Variants in MTHFD2 observed in about 807,000 individuals in gnomAD.
The protein encoded by MTHFD2 is bifunctional methylenetetrahydrofolate dehydrogenase/cyclohydrolase, mitochondrial.
In MTHFD2, 26 loss-of-function variants were observed where a neutral mutation model predicts 36.8. That is an observed-to-expected ratio of 0.71 (90% CI 0.52 to 0.98). The LOEUF (loss-of-function observed/expected upper bound fraction) is 0.98, where lower values mean the gene tolerates loss of function less well. MTHFD2 is among the 50% of genes least tolerant of loss of function. The pLI is 0.00. For synonymous variants in MTHFD2, 164 were observed against 155.2 expected, an observed-to-expected ratio of 1.06 and a Z score of -0.42; for missense variants, 373 against 434.0, an observed-to-expected ratio of 0.86 and a Z score of 1.25.
At chr2:74,205,952 T>A (rs1694171081) in intron 2 of MTHFD2, 63 bp downstream of exon 2, 2 of 1,509,862 alleles carry the variant, frequency 1.3e-6, no homozygotes, top group Admixed American at 4.0e-5. Flanking sequence ...CAAAGTCCAT[T>A]CTAATTTATG....
chr2:74,211,191 C>G lies in MTHFD2; in HGVS notation c.671-8C>G, dbSNP rs546343172. On this transcript the variant is annotated splice_polypyrimidine_tract_variant and splice_region_variant and intron_variant, in intron 5 of 7. Transcript: ENST00000394053. ...CAGAAATCAAGACATCTATTTTTTT[C>G]TTTCTAGGTGATGCCACTGTTACAA... The G allele has an allele frequency of 2.6e-5, 41 of 1,575,424 alleles. 1 individual carries two copies. The South Asian group carries it at 4.1e-4, about 16-fold the overall frequency.
Position 74,217,481 on chromosome 2 carries a change from C to T in MTHFD2, c.*3239C>T, listed in dbSNP as rs767960955. 5 of 152,270 alleles carry T rather than the reference C, an allele frequency of 3.3e-5. No individual in the cohort carries two copies. The highest frequency in any genetic ancestry group is 2.1e-4 in the South Asian group (1 of 4,828). The allele number at this position is 152,270 out of a possible 1,614,324, so 9.4% of individuals were successfully genotyped here. On this transcript the variant is annotated 3_prime_UTR_variant, in exon 8 of 8. Transcript: ENST00000394053. ...TGCAAAGTTGTAATGTAAAATGTGA[C>T]CTTACCTCTGTCTAACCTGTATTGT...
In MTHFD2 at chr2:74,205,832, G is replaced by A. The variant is rs774595885; in HGVS notation, c.229G>A (p.Glu77Lys). Reference protein sequence around the residue: ...RPHLSVILVGENPASHSYVLN... With the variant: ...RPHLSVILVGKNPASHSYVLN... ...ACACCTGAGTGTGATCCTGGTTGGC[G>A]AGAATCCTGCAAGTCACTCCTATGT... is the stretch of plus-strand genomic sequence containing the variant. Residue 77 changes from glutamate (E) to lysine (K), a missense_variant, in exon 2 of 8, where the codon GAG (glutamate) becomes AAG (lysine). Physicochemically the swap from Glu to Lys is moderately conservative, Grantham distance 56. Around this residue, in one of 2 missense-constraint regions of MTHFD2, gnomAD observed 308 missense variants for 397.8 expected, o/e 0.77. Coordinates refer to ENST00000394053, the MANE Select transcript of MTHFD2 (RefSeq NM_006636.4). 3.1e-6 allele frequency: 5 copies of A among 1,613,750 alleles called. No individual in the cohort carries two copies. In the African/African-American group the frequency reaches 4.0e-5, roughly 13 times the overall value.
At chr2:74,203,729 G>T (rs1694094815) in intron 1 of MTHFD2, among the ~76,000 whole-genome samples, 3 of 152,192 alleles carry the variant, frequency 2.0e-5, no homozygotes. Flanking sequence ...AATATAAGAG[G>T]AGATTACTTC....
At chr2:74,211,720 C>G in intron 6 of MTHFD2, 21 bp from the exon 7 acceptor site, 1 of 1,598,564 alleles carries the variant, frequency 6.3e-7, no homozygotes, top group Non-Finnish European at 8.5e-7. Context: ...CTAAGTTGAT[C>G]TTTCCTTTCT....
At chr2:74,204,256 T>C (rs750161616) in intron 1 of MTHFD2, among the ~76,000 whole-genome samples, 2 of 152,122 alleles carry the variant, frequency 1.3e-5, no homozygotes, top group African/African-American at 4.8e-5. Context: ...TGTAAGGACA[T>C]GTGTGAAAAT....
At chr2:74,201,713 T>G (rs968266524) in intron 1 of MTHFD2, among the ~76,000 whole-genome samples, 6 of 152,222 alleles carry the variant, frequency 3.9e-5, no homozygotes, top group Non-Finnish European at 5.9e-5. Flanking sequence ...TAGTTACAAT[T>G]TTGGATTCCC....
chr2:74,214,452 A>G lies in MTHFD2; in HGVS notation c.*210A>G, dbSNP rs1452843120. On this transcript the variant is annotated 3_prime_UTR_variant, in exon 8 of 8. Coordinates refer to ENST00000394053, the MANE Select transcript of MTHFD2 (RefSeq NM_006636.4). ...TTCCAGTATCATGCAGGGTCCTGTG[A>G]TCTAGCCAGGAGCAGCCATTAACCT... 3 of 421,948 alleles carry G rather than the reference A, an allele frequency of 7.1e-6. No individual in the cohort carries two copies. Among genetic ancestry groups the G allele is most frequent in the Middle Eastern group, 6.7e-4 (1 of 1,496 alleles). 26.1% of individuals were successfully genotyped at this position (421,948 alleles called of 1,614,324 possible). A position where few individuals can be genotyped will look rare whatever the true frequency, so the allele number is the denominator to read the frequency against.
chr2:74,212,892 T>A (rs1468437338), intron 7 of MTHFD2, among the ~76,000 whole-genome samples: 2 of 145,652 alleles, frequency 1.4e-5, no homozygotes, highest in Non-Finnish European at 3.0e-5. Context: ...TACTAGTAGA[T>A]TTCTTCTTTC....
At chr2:74,200,507 T>A (rs1316312997) in intron 1 of MTHFD2, among the ~76,000 whole-genome samples, 1 of 152,138 alleles carries the variant, frequency 6.6e-6, no homozygotes, top group African/African-American at 2.4e-5. Flanking sequence ...TGCTTATTTT[T>A]AAAAAGTTGT....
chr2:74,211,079 C>G (rs891306869), intron 5 of MTHFD2, 120 bp from the exon 6 acceptor site: 1 of 663,488 alleles, frequency 1.5e-6, no homozygotes, highest in Non-Finnish European at 2.7e-6. Flanking sequence ...GCCACTGCAC[C>G]TGGCCGTAAG....
intron 7 of MTHFD2, among the ~76,000 whole-genome samples, chr2:74,212,159 CCCTT>C (rs1207469743): frequency 3.8e-5 from 5 of 130,598 alleles, no homozygotes; most frequent in East Asian, 2.1e-4. Context: ...CTCTCTCCTT[CCCTT>C]CCTTCTTTCT....
intron 1 of MTHFD2, among the ~76,000 whole-genome samples, chr2:74,204,713 G>A (rs1694138166): frequency 6.6e-6 from 1 of 152,196 alleles, no homozygotes; most frequent in Non-Finnish European, 1.5e-5. Flanking sequence ...CTGTGAGAAG[G>A]AGCTTCCTCC....
At position 74,198,840 on chromosome 2, in the gene MTHFD2, C is replaced by T. The variant is rs1386185458; in HGVS notation, c.101+98C>T. The T allele has an allele frequency of 5.3e-6, 6 of 1,129,962 alleles. No homozygotes were observed. In the African/African-American group the frequency reaches 9.6e-5, roughly 18 times the overall value. 70.0% of individuals were successfully genotyped at this position (1,129,962 alleles called of 1,614,324 possible). A position where few individuals can be genotyped will look rare whatever the true frequency, so the allele number is the denominator to read the frequency against. On this transcript the variant is annotated intron_variant, in intron 1 of 7. Transcript: ENST00000394053. ...CGAGGGACACCGAGGGAAGTCCTTCCCGAACATCTCCGCCCCGGCGGTGGT... is the reference window on the plus strand; with the variant it reads ...CGAGGGACACCGAGGGAAGTCCTTCTCGAACATCTCCGCCCCGGCGGTGGT...
Position 74,210,066 on chromosome 2 carries a change from C to T in MTHFD2, c.670+17C>T, listed in dbSNP as rs922624952. ...GTCCCGGAGGTAAGGAAATTGCTTT[C>T]AGGGAACACTGTCCTTTTTTCCCCA... is the stretch of plus-strand genomic sequence containing the variant. On this transcript the variant is annotated intron_variant, in intron 5 of 7. Coordinates refer to ENST00000394053, the MANE Select transcript of MTHFD2 (RefSeq NM_006636.4). 1 of 1,599,078 alleles carries T rather than the reference C, an allele frequency of 6.3e-7. No individual in the cohort carries two copies. The highest frequency in any genetic ancestry group is 8.5e-7 in the Non-Finnish European group (1 of 1,169,642).
rs919704583 is a variant in MTHFD2, at chr2:74,207,818, C to G, written c.401C>G (p.Pro134Arg). Residue 134 changes from proline (P) to arginine (R), a missense_variant, in exon 3 of 8, where the codon CCT becomes CGT. Physicochemically the swap from Pro to Arg is moderately radical, Grantham distance 103. This residue lies in a region of MTHFD2 where 308 missense variants were observed against 397.8 expected (regional missense o/e 0.77). Coordinates refer to ENST00000394053, the MANE Select transcript of MTHFD2 (RefSeq NM_006636.4). ...GTAGATGGCCTCCTTGTTCAGTTGC[C>G]TCTTCCAGGTGAGTTTTGGACTCCA... ...DNVDGLLVQL[P>R]LPEHIDERRI... 1 of 1,580,752 alleles carries G rather than the reference C, an allele frequency of 6.3e-7. No homozygotes were observed. Among genetic ancestry groups the G allele is most frequent in the Admixed American group, 1.7e-5 (1 of 59,500 alleles).
Position 74,208,596 on chromosome 2 carries a change from A to G in MTHFD2, c.437A>G (p.Asn146Ser). 5 of 1,614,222 alleles carry G rather than the reference A, an allele frequency of 3.1e-6. No individual in the cohort carries two copies. The African/African-American group carries it at 4.0e-5, about 13-fold the overall frequency. The change falls in exon 4 of 8, where the codon AAT becomes AGT. Residue 146 changes from asparagine (N) to serine (S), a missense_variant. This residue lies in a region of MTHFD2 where 308 missense variants were observed against 397.8 expected (regional missense o/e 0.77). Transcript: ENST00000394053. ...CATATTGATGAGAGAAGGATCTGCA[A>G]TGCTGTTTCTCCAGACAAGGATGTT... ...PEHIDERRIC[N>S]AVSPDKDVDG...
At chr2:74,210,785 G>GTTTTTTTTTTT (rs71406865) in intron 5 of MTHFD2, among the ~76,000 whole-genome samples, 6 of 132,052 alleles carry the variant, frequency 4.5e-5, no homozygotes, top group African/African-American at 8.7e-5. Flanking sequence ...CATTAAGTCA[G>GTTTTTTTTTTT]TTTTTTTTTT....
rs1297162282 is a variant in MTHFD2 at position 74,215,993 on chromosome 2, G to A, written c.*1751G>A. The A allele has an allele frequency of 1.3e-5, 2 of 152,266 alleles. No homozygotes were observed. The highest frequency in any genetic ancestry group is 4.8e-5 in the African/African-American group (2 of 41,458). 9.4% of individuals were successfully genotyped at this position (152,266 alleles called of 1,614,324 possible). On this transcript the variant is annotated 3_prime_UTR_variant, in exon 8 of 8. Coordinates refer to ENST00000394053, the MANE Select transcript of MTHFD2 (RefSeq NM_006636.4). ...ACTTGAGGCAGGGATAGGTTTGTCT[G>A]TTTTGGCTTTTGGCTTTCATGCGAG... is the stretch of plus-strand genomic sequence containing the variant.
Sources: allele counts gnomAD v4.1 joint callset (sites outside exome capture counted in the v4.1 genomes callset), GRCh38; gene constraint gnomAD v4.1.1; regional missense constraint gnomAD v4.1.1; transcripts MANE v1.5; gene names NCBI Gene and HGNC (gene_info 2026-07-23, HGNC 2026-07-21).